Variants in TCF4 observed in about 807,000 individuals in gnomAD.
The protein encoded by TCF4 is SL3-3 enhancer factor 2.
TCF4 carries 3 observed loss-of-function variants against 82.1 expected under a neutral mutation model. That is an observed-to-expected ratio of 0.04 (90% CI 0.02 to 0.09). The LOEUF is 0.09. TCF4 is among the 10% of genes least tolerant of loss of function. The probability of loss-of-function intolerance (pLI) is 1.00; values close to 1 mark genes in which losing one functional copy is unlikely to be tolerated. For synonymous variants in TCF4, 276 were observed against 309.6 expected (o/e 0.89, Z 1.14); for missense variants, 518 against 852.7 (o/e 0.61, Z 4.89).
chr18:55,404,649 A>T (rs2093996324), intron 5 of TCF4, among the ~76,000 whole-genome samples: 1 of 152,218 alleles, frequency 6.6e-6, no homozygotes, highest in Non-Finnish European at 1.5e-5. Flanking sequence ...CACGAATGCT[A>T]AAAGTAACAG....
chr18:55,580,450 C>T (rs1568451037), intron 3 of TCF4, among the ~76,000 whole-genome samples: 1 of 151,944 alleles, frequency 6.6e-6, no homozygotes, highest in African/African-American at 2.4e-5. Context: ...TGTAGACTAT[C>T]AACTTACAAC....
intron 8 of TCF4, among the ~76,000 whole-genome samples, chr18:55,334,171 A>T (rs1240389064): frequency 2.0e-5 from 3 of 152,200 alleles, no homozygotes; most frequent in African/African-American, 7.2e-5. Context: ...GCTAATTCAA[A>T]TAAAACCATA....
At chr18:55,371,064 ATGTAGAAAGGC>A (rs1361714565) in intron 6 of TCF4, among the ~76,000 whole-genome samples, 1 of 152,216 alleles carries the variant, frequency 6.6e-6, no homozygotes, top group Non-Finnish European at 1.5e-5. Context: ...TGAACATGTC[ATGTAGAAAGGC>A]TGTATCAAAG....
intron 3 of TCF4, among the ~76,000 whole-genome samples, chr18:55,488,129 C>T (rs1316591833): frequency 6.6e-6 from 1 of 152,198 alleles, no homozygotes; most frequent in African/African-American, 2.4e-5. Context: ...ATACTTATAA[C>T]AGAAACCTAT....
At chr18:55,288,140 T>C (rs1270992439) in intron 8 of TCF4, among the ~76,000 whole-genome samples, 1 of 152,202 alleles carries the variant, frequency 6.6e-6, no homozygotes, top group African/African-American at 2.4e-5. Flanking sequence ...TATGACGTCA[T>C]AGTGATGTTA....
At chr18:55,487,320 C>T (rs1416028658) in intron 3 of TCF4, among the ~76,000 whole-genome samples, 1 of 152,184 alleles carries the variant, frequency 6.6e-6, no homozygotes, top group East Asian at 1.9e-4. Context: ...CAATCAATTA[C>T]ATACATACAT....
At chr18:55,436,524 C>G (rs1454324467) in intron 5 of TCF4, among the ~76,000 whole-genome samples, 1 of 152,200 alleles carries the variant, frequency 6.6e-6, no homozygotes, top group Non-Finnish European at 1.5e-5. Flanking sequence ...AACCAATTTT[C>G]TCTCTGCATC....
intron 17 of TCF4, 45 bp from the exon 18 acceptor site, chr18:55,229,121 A>T (rs1292634776): frequency 6.2e-7 from 1 of 1,600,130 alleles, no homozygotes; most frequent in Non-Finnish European, 8.6e-7. Flanking sequence ...GTGTGGGGAA[A>T]AAGAAGGTGT....
chr18:55,500,656 CAAG>C (rs1360838694), intron 3 of TCF4, among the ~76,000 whole-genome samples: 1 of 152,208 alleles, frequency 6.6e-6, no homozygotes, highest in Non-Finnish European at 1.5e-5. Context: ...CTCTCACCCT[CAAG>C]AGAGTGGGCA....
At chr18:55,297,303 G>C (rs1001380808) in intron 8 of TCF4, among the ~76,000 whole-genome samples, 2 of 150,592 alleles carry the variant, frequency 1.3e-5, no homozygotes, top group African/African-American at 4.9e-5. Flanking sequence ...AGAGCGCATA[G>C]AGTCTGAGTA....
intron 6 of TCF4, among the ~76,000 whole-genome samples, chr18:55,377,941 G>A (rs1236464281): frequency 2.6e-5 from 4 of 152,120 alleles, no homozygotes. Flanking sequence ...AAAAGACAAT[G>A]TAACATTTTA....
chr18:55,510,965 A>G (rs752416706), intron 3 of TCF4, among the ~76,000 whole-genome samples: 4 of 152,184 alleles, frequency 2.6e-5, no homozygotes, highest in Admixed American at 6.6e-5. Flanking sequence ...TGGGAATCCC[A>G]CTGCAATAAG....
At chr18:55,520,122 T>C (rs2096920847) in intron 3 of TCF4, among the ~76,000 whole-genome samples, 1 of 152,186 alleles carries the variant, frequency 6.6e-6, no homozygotes, top group Admixed American at 6.5e-5. Flanking sequence ...TTTATTTCCA[T>C]TGAGGAATAA....
At chr18:55,431,861 TC>T (rs1479636731) in intron 5 of TCF4, among the ~76,000 whole-genome samples, 12 of 152,018 alleles carry the variant, frequency 7.9e-5, no homozygotes, top group East Asian at 3.9e-4. Context: ...ATAACTAATG[TC>T]GGGGGGGTCT....
At chr18:55,367,244 A>C (rs1480614911) in intron 6 of TCF4, among the ~76,000 whole-genome samples, 1 of 152,218 alleles carries the variant, frequency 6.6e-6, no homozygotes, top group Non-Finnish European at 1.5e-5. Context: ...GCTTATGTGT[A>C]TGCGAGTGTG....
At chr18:55,283,881 T>C (rs2063132652) in intron 8 of TCF4, among the ~76,000 whole-genome samples, 1 of 152,238 alleles carries the variant, frequency 6.6e-6, no homozygotes, top group African/African-American at 2.4e-5. Context: ...TTGTATTATT[T>C]GGACAAATGT....
intron 6 of TCF4, among the ~76,000 whole-genome samples, chr18:55,385,165 A>G (rs2092474685): frequency 6.6e-6 from 1 of 152,184 alleles, no homozygotes; most frequent in African/African-American, 2.4e-5. Context: ...TGGTAACTAT[A>G]GAGTCAAATT....
chr18:55,327,768 G>C (rs1307571371), intron 8 of TCF4, among the ~76,000 whole-genome samples: 1 of 152,088 alleles, frequency 6.6e-6, no homozygotes, highest in Non-Finnish European at 1.5e-5. Context: ...TTAGAAGAAA[G>C]AAGAGACTTC....
At chr18:55,295,134 C>T (rs186393822) in intron 8 of TCF4, among the ~76,000 whole-genome samples, 2 of 152,278 alleles carry the variant, frequency 1.3e-5, no homozygotes, top group East Asian at 1.9e-4. Context: ...CCCATTTCAC[C>T]TGCCCCCTAA....
Sources: allele counts gnomAD v4.1 joint callset (sites outside exome capture counted in the v4.1 genomes callset), GRCh38; gene constraint gnomAD v4.1.1; transcripts MANE v1.5; gene names NCBI Gene and HGNC (gene_info 2026-07-23, HGNC 2026-07-21).